ATP11C: variants seen among roughly 807,000 people sequenced by gnomAD.
ATP11C encodes phospholipid-transporting ATPase IG.
A neutral mutation model predicts 97.4 loss-of-function variants in ATP11C; 36 were observed. The ratio of observed to expected loss-of-function variants is 0.37; its 90% confidence interval spans 0.28 to 0.49. The LOEUF is 0.49. Among genes scored for constraint, ATP11C ranks in the 20% least tolerant of loss-of-function variants. The pLI, the probability that ATP11C is intolerant of heterozygous loss-of-function variation, is 0.98. For missense variants in ATP11C, 730 were observed against 824.6 expected (o/e 0.89, Z 1.40); for synonymous variants, 275 against 290.9 (o/e 0.95, Z 0.56).
chrX:139,832,002 C>G (rs1816665154), intron 1 of ATP11C: 1 of 528,148 alleles, frequency 1.9e-6, no homozygotes, highest in African/African-American at 2.4e-5. Context: ...AAGATAGGAG[C>G]AGTGAGGCTG....
chrX:139,782,779 A>C lies in ATP11C; in HGVS notation c.1771-51T>G, dbSNP rs371063223. On this transcript the variant is annotated intron_variant, in intron 17 of 29. Coordinates refer to ENST00000682941, the MANE Select transcript of ATP11C (RefSeq NM_001353812.2). ...GTTATTCTAATAATAGTTGGAAAAAAAAAAAAACACACTCTGTAAATACTC... is the reference window on the plus strand; with the variant it reads ...GTTATTCTAATAATAGTTGGAAAAACAAAAAAACACACTCTGTAAATACTC... 1.9e-4 allele frequency: 171 copies of C among 918,516 alleles called. No individual in the cohort carries two copies. The African/African-American group carries it at 3.2e-3, about 17-fold the overall frequency. The allele number at this position is 918,516 out of a possible 1,213,427, so 75.7% of individuals were successfully genotyped here. A position where few individuals can be genotyped will look rare whatever the true frequency, so the allele number is the denominator to read the frequency against.
At chrX:139,930,326 A>T (rs2148195934) in intron 1 of ATP11C, among the ~76,000 whole-genome samples, 1 of 109,766 alleles carries the variant, frequency 9.1e-6, no homozygotes, top group South Asian at 4.0e-4. Context: ...CTTTTAGACC[A>T]ATACTTGAGT....
intron 1 of ATP11C, among the ~76,000 whole-genome samples, chrX:139,846,419 A>C (rs987961724): frequency 3.6e-5 from 4 of 112,411 alleles, no homozygotes; most frequent in Non-Finnish European, 7.5e-5. Flanking sequence ...TGGCTTTGTA[A>C]ATGTTAAAGT....
intron 1 of ATP11C, among the ~76,000 whole-genome samples, chrX:139,909,714 C>G (rs2085041122): frequency 8.9e-6 from 1 of 111,782 alleles, no homozygotes; most frequent in Admixed American, 9.6e-5. Flanking sequence ...GATCTCTCTG[C>G]ATTTTTTCTT....
At chrX:139,880,730 A>C (rs774912413) in intron 1 of ATP11C, among the ~76,000 whole-genome samples, 5 of 112,037 alleles carry the variant, frequency 4.5e-5, no homozygotes, top group African/African-American at 1.6e-4. Context: ...CCTTATTTTC[A>C]CATCTGGGAC....
In ATP11C at chrX:139,754,220, C is replaced by T. The variant is rs771092216; in HGVS notation, c.2700+3588G>A. Among the ~76,000 whole-genome samples, 4 of 111,281 alleles carry T rather than the reference C, an allele frequency of 3.6e-5. No individual in the cohort carries two copies. The South Asian group carries it at 1.5e-3, about 42-fold the overall frequency. On this transcript the variant is annotated intron_variant, in intron 23 of 29. Transcript: ENST00000682941. The stretch of plus-strand genomic sequence containing the variant: ...ATTTCTATGCATACAAACTAGAAAA[C>T]CTATAAGAAATGGTTAAATTTCTGG...
intron 1 of ATP11C, among the ~76,000 whole-genome samples, chrX:139,892,205 T>C (rs1212988995): frequency 1.8e-5 from 2 of 111,159 alleles, no homozygotes; most frequent in Non-Finnish European, 3.8e-5. Context: ...AAACTACTGA[T>C]TTTCATAATT....
intron 24 of ATP11C, among the ~76,000 whole-genome samples, chrX:139,749,133 A>G (rs1444131376): frequency 8.9e-6 from 1 of 111,970 alleles, no homozygotes; most frequent in East Asian, 2.8e-4. Flanking sequence ...TGAGTGGTTC[A>G]ACAACTATTT....
At chrX:139,894,595 A>C (rs934180032) in intron 1 of ATP11C, among the ~76,000 whole-genome samples, 4 of 111,340 alleles carry the variant, frequency 3.6e-5, no homozygotes, top group Non-Finnish European at 7.5e-5. Context: ...AGTTAACAAT[A>C]ATCTACTGTA....
intron 1 of ATP11C, among the ~76,000 whole-genome samples, chrX:139,870,777 C>T (rs1193806942): frequency 3.6e-5 from 4 of 112,129 alleles, no homozygotes; most frequent in Admixed American, 1.9e-4. Flanking sequence ...ATACACGCGG[C>T]CAGGCGCGGT....
chrX:139,767,627 T>C, intron 20 of ATP11C, among the ~76,000 whole-genome samples: 1 of 111,410 alleles, frequency 9.0e-6, no homozygotes, highest in East Asian at 2.8e-4. Context: ...GGGGCACACA[T>C]TTATCAATGG....
At chrX:139,789,256 A>G in intron 13 of ATP11C, 71 bp downstream of exon 13, 11 of 903,092 alleles carry the variant, frequency 1.2e-5, no homozygotes, top group African/African-American at 2.0e-5. Context: ...CCTAAAAATT[A>G]TTTTCTACTA....
intron 1 of ATP11C, chrX:139,832,143 A>C: frequency 8.3e-7 from 1 of 1,207,258 alleles, no homozygotes; most frequent in Non-Finnish European, 1.1e-6. Context: ...AAATAAATAT[A>C]GATTACAAAC....
chrX:139,776,458 T>C (rs1172948845), intron 18 of ATP11C, among the ~76,000 whole-genome samples: 1 of 111,876 alleles, frequency 8.9e-6, no homozygotes, highest in Admixed American at 9.5e-5. Flanking sequence ...GCAGCCACAA[T>C]GTAACCAGGA....
chrX:139,786,271 A>T (rs188417048), intron 15 of ATP11C, among the ~76,000 whole-genome samples: 1,246 of 111,861 alleles, frequency 0.011, 16 homozygotes, highest in African/African-American at 0.032. Context: ...AGTATTTTTT[A>T]AAAAAAGTAT....
chrX:139,879,415 A>C (rs2084528074), intron 1 of ATP11C, among the ~76,000 whole-genome samples: 1 of 111,509 alleles, frequency 9.0e-6, no homozygotes, highest in African/African-American at 3.3e-5. Flanking sequence ...AAGTGAAATA[A>C]ACCAGACACA....
intron 25 of ATP11C, among the ~76,000 whole-genome samples, chrX:139,745,206 A>G (rs771812834): frequency 1.1e-4 from 12 of 111,369 alleles, no homozygotes; most frequent in Non-Finnish European, 1.5e-4. Context: ...TGAGATAGTC[A>G]TGTTCTGGGA....
At chrX:139,855,515 C>T (rs1052252550) in intron 1 of ATP11C, among the ~76,000 whole-genome samples, 4 of 111,532 alleles carry the variant, frequency 3.6e-5, no homozygotes, top group African/African-American at 6.5e-5. Context: ...TCATCATACC[C>T]GAGTCAAGAA....
chrX:139,744,379 T>C (rs1425099524), intron 25 of ATP11C, among the ~76,000 whole-genome samples: 3 of 112,161 alleles, frequency 2.7e-5, no homozygotes, highest in Non-Finnish European at 5.6e-5. Context: ...AGAGGGATGG[T>C]GACATATACA....
Sources: gnomAD v4.1 joint callset for allele counts (sites outside exome capture counted in the v4.1 genomes callset) on GRCh38, gnomAD v4.1.1 for gene constraint, MANE v1.5 for transcripts, NCBI Gene and HGNC (gene_info 2026-07-23, HGNC 2026-07-21) for gene names.